Variants in CASQ1 observed in about 807,000 individuals in gnomAD.
CASQ1 encodes calsequestrin-1.
CASQ1 carries 40 observed loss-of-function variants against 49.5 expected under a neutral mutation model. That is an observed-to-expected ratio of 0.81 (90% confidence interval 0.63 to 1.05). The LOEUF (loss-of-function observed/expected upper bound fraction) is 1.05, where lower values mean the gene tolerates loss of function less well. Among genes scored for constraint, CASQ1 ranks in the 50% least tolerant of loss-of-function variants. CASQ1 has a pLI of 0.00. For synonymous variants in CASQ1, 174 were observed against 187.2 expected (o/e 0.93, Z 0.58); for missense variants, 469 against 486.9 (o/e 0.96, Z 0.35).
chr1:160,195,409 C>A, intron 4 of CASQ1, 52 bp from the exon 5 acceptor site: 1 of 1,534,208 alleles, frequency 6.5e-7, no homozygotes, highest in Non-Finnish European at 9.0e-7. Context: ...GGGGATGATT[C>A]CCGGGCAGAC....
intron 8 of CASQ1, 76 bp downstream of exon 8, chr1:160,198,807 C>A: frequency 7.3e-7 from 1 of 1,375,264 alleles, no homozygotes; most frequent in Non-Finnish European, 1.0e-6. Flanking sequence ...ATGGGCCTCA[C>A]TAGGAGGCTT....
chr1:160,193,984 A>G (rs989522191), intron 3 of CASQ1, 137 bp downstream of exon 3: 5 of 626,046 alleles, frequency 8.0e-6, no homozygotes, highest in Non-Finnish European at 1.4e-5. Flanking sequence ...CACCATACAT[A>G]CACCACACGC....
chr1:160,195,267 C>A, intron 4 of CASQ1, 144 bp downstream of exon 4: 1 of 728,202 alleles, frequency 1.4e-6, no homozygotes, highest in Non-Finnish European at 2.3e-6. Flanking sequence ...CCATCAACAG[C>A]TCTGACCTCC....
At chr1:160,200,027 G>A in intron 10 of CASQ1, 102 bp downstream of exon 10, 1 of 792,146 alleles carries the variant, frequency 1.3e-6, no homozygotes, top group Non-Finnish European at 2.3e-6. Flanking sequence ...CTTCTCACAG[G>A]ACGCAGACAT....
At position 160,196,465 on chromosome 1, in the gene CASQ1, TTTC is replaced by T. The variant is rs199987955; in HGVS notation, c.782+450_782+452del. Among the ~76,000 whole-genome samples, 1,013 of 151,892 alleles carry T rather than the reference TTTC, an allele frequency of 6.7e-3. 9 individuals are homozygous for T. Among genetic ancestry groups the T allele is most frequent in the African/African-American group, 0.023 (936 of 41,268 alleles). On this transcript the variant is annotated intron_variant, in intron 6 of 10. Transcript: ENST00000368078. ...TGATGTGTCCCATGTTTGTTCTTTTTTTCTTCTTCTTCTTTTTTTTTTTTTCTT... is the reference window on the plus strand; with the variant it reads ...TGATGTGTCCCATGTTTGTTCTTTTTTTCTTCTTCTTTTTTTTTTTTTCTT...
At position 160,198,712 on chromosome 1, in the gene CASQ1, C is replaced by G. The variant is rs1318640852; in HGVS notation, c.864C>G (p.Phe288Leu). The change falls in exon 8 of 11, where the codon TTC becomes TTG. Residue 288 changes from phenylalanine (F) to leucine (L), a missense_variant. Coordinates refer to ENST00000368078, the MANE Select transcript of CASQ1 (RefSeq NM_001231.5). The part of the protein sequence containing the change: ...DDMDGIHIVA[F>L]AEEADPDGFE... The stretch of plus-strand genomic sequence containing the variant: ...TGGATGGAATCCACATTGTGGCCTT[C>G]GCAGAGGAAGCTGATCCTGGTGAGG... 61 of 1,613,614 alleles carry G rather than the reference C, an allele frequency of 3.8e-5. No homozygotes were observed. The highest frequency in any genetic ancestry group is 4.8e-5 in the Non-Finnish European group (57 of 1,179,746).
chr1:160,198,253 CCCAGCA>C (rs369919348), intron 7 of CASQ1: 17 of 175,528 alleles, frequency 9.7e-5, no homozygotes, highest in African/African-American at 3.8e-4. Context: ...CGCCTGTAAT[CCCAGCA>C]CTTTGGGAGG....
intron 6 of CASQ1, among the ~76,000 whole-genome samples, chr1:160,196,445 T>C (rs6697826): frequency 0.23 from 35,107 of 151,874 alleles, 5,144 homozygotes; most frequent in African/African-American, 0.41. Context: ...AACCCTGATG[T>C]GTCCCATGTT....
rs1243564893 is a variant in CASQ1, at chr1:160,199,929, A to G, written c.1059+4A>G. ...AGGAGTCGTCAATGTTACTGATGTG[A>G]GTTTCCTGTCCTCATCCCGGGTTGA... is the stretch of plus-strand genomic sequence containing the variant. On this transcript the variant is annotated splice_donor_region_variant and intron_variant, in intron 10 of 10. Coordinates refer to ENST00000368078, the MANE Select transcript of CASQ1 (RefSeq NM_001231.5). 1 of 1,603,496 alleles carries G rather than the reference A, an allele frequency of 6.2e-7. No homozygotes were observed. Among genetic ancestry groups the G allele is most frequent in the Non-Finnish European group, 8.5e-7 (1 of 1,170,314 alleles).
chr1:160,197,464 G>A, intron 6 of CASQ1, 105 bp from the exon 7 acceptor site: 4 of 818,378 alleles, frequency 4.9e-6, no homozygotes, highest in Non-Finnish European at 8.7e-6. Context: ...GCTACAAGCT[G>A]TCTGTGCCCT....
At position 160,190,851 on chromosome 1, in the gene CASQ1, G is replaced by A. The variant is rs1162251757; in HGVS notation, c.100G>A (p.Gly34Arg). The A allele has an allele frequency of 6.2e-7, 1 of 1,614,186 alleles. No homozygotes were observed. The highest frequency in any genetic ancestry group is 1.7e-5 in the Admixed American group (1 of 60,026). ...AGGGACACCCAAGTCAGGGGTACAG[G>A]GGCAGGAAGGGCTGGACTTCCCTGA... is the stretch of plus-strand genomic sequence containing the variant. ...VLGTPKSGVQ[G>R]QEGLDFPEYD... The change falls in exon 1 of 11, where the codon GGG becomes AGG. Residue 34 changes from glycine (G) to arginine (R), a missense_variant. Transcript: ENST00000368078.
In CASQ1 at chr1:160,201,426, C is replaced by T; in HGVS notation, c.*50C>T. On this transcript the variant is annotated 3_prime_UTR_variant, in exon 11 of 11. Transcript: ENST00000368078. The stretch of plus-strand genomic sequence containing the variant: ...CCCACTGGTCTTTTCATGCTCTCTC[C>T]TGCCTTCCCTTGTCCTTCCCTGAGT... 4.4e-6 allele frequency: 7 copies of T among 1,600,252 alleles called. No individual in the cohort carries two copies. Among genetic ancestry groups the T allele is most frequent in the Non-Finnish European group, 6.0e-6 (7 of 1,170,510 alleles).
rs952514262 is a variant in CASQ1, at chr1:160,190,583, C to T, written c.-169C>T. On this transcript the variant is annotated 5_prime_UTR_variant, in exon 1 of 11. Transcript: ENST00000368078. ...CTGACCCTTTTTCCCTTGGCTCTGT[C>T]GGCAGTTTCTCCAGGACCCAGCAGT... 15 of 625,708 alleles carry T rather than the reference C, an allele frequency of 2.4e-5. No individual in the cohort carries two copies. The highest frequency in any genetic ancestry group is 4.3e-4 in the Middle Eastern group (1 of 2,330). 38.8% of individuals were successfully genotyped at this position (625,708 alleles called of 1,614,324 possible). A position where few individuals can be genotyped will look rare whatever the true frequency, so the allele number is the denominator to read the frequency against.
At chr1:160,198,786 T>A (rs1313451733) in intron 8 of CASQ1, 55 bp downstream of exon 8, 8 of 1,507,176 alleles carry the variant, frequency 5.3e-6, no homozygotes. Context: ...GGTGGGTGTG[T>A]TTATTGGAGC....
At chr1:160,196,831 G>A (rs978875982) in intron 6 of CASQ1, among the ~76,000 whole-genome samples, 3 of 152,178 alleles carry the variant, frequency 2.0e-5, no homozygotes, top group African/African-American at 7.2e-5. Context: ...AGGTGGGAAG[G>A]CGTGGCGAGG....
At position 160,199,854 on chromosome 1, in the gene CASQ1, G is replaced by C. The variant is rs1156727801; in HGVS notation, c.988G>C (p.Val330Leu). The C allele has an allele frequency of 1.2e-6, 2 of 1,605,692 alleles. No individual in the cohort carries two copies. The highest frequency in any genetic ancestry group is 1.7e-6 in the Non-Finnish European group (2 of 1,172,330). Residue 330 changes from valine (V) to leucine (L), a missense_variant, in exon 10 of 11, where the codon GTC becomes CTC. Coordinates refer to ENST00000368078, the MANE Select transcript of CASQ1 (RefSeq NM_001231.5). ...CTGTATTTTGATCTCTCTACAGCTGGTCCCATACTGGGAGAAGACGTTTGA... is the reference window on the plus strand; with the variant it reads ...CTGTATTTTGATCTCTCTACAGCTGCTCCCATACTGGGAGAAGACGTTTGA... ...WIDPDDFPLL[V>L]PYWEKTFDID...
rs1231471189 is a variant in CASQ1 at position 160,195,039 on chromosome 1, G to A, written c.493G>A (p.Glu165Lys). 2 of 1,612,490 alleles carry A rather than the reference G, an allele frequency of 1.2e-6. No homozygotes were observed. The highest frequency in any genetic ancestry group is 1.1e-5 in the South Asian group (1 of 90,940). Residue 165 changes from glutamate to lysine, a missense_variant, in exon 4 of 11, where the codon GAA (glutamate) becomes AAA (lysine). Coordinates refer to ENST00000368078, the MANE Select transcript of CASQ1 (RefSeq NM_001231.5). The stretch of plus-strand genomic sequence containing the variant: ...CCTAGAGGACCCTGTGGAATTGATT[G>A]AAGGTGAACGAGAGCTGCAGGCGTT... ...DVLEDPVELIEGERELQAFEN... is the reference protein window; with the variant it reads ...DVLEDPVELIKGERELQAFEN...
intron 3 of CASQ1, among the ~76,000 whole-genome samples, chr1:160,194,087 C>A (rs1654145432): frequency 6.6e-6 from 1 of 151,372 alleles, no homozygotes. Context: ...ACCTACACAC[C>A]ACACACTACA....
At chr1:160,196,264 G>A (rs1654225640) in intron 6 of CASQ1, among the ~76,000 whole-genome samples, 1 of 152,092 alleles carries the variant, frequency 6.6e-6, no homozygotes, top group East Asian at 1.9e-4. Flanking sequence ...GTATAATTCA[G>A]TGTGAGGTTG....
Sources: gnomAD v4.1 joint callset for allele counts (sites outside exome capture counted in the v4.1 genomes callset) on GRCh38, gnomAD v4.1.1 for gene constraint, MANE v1.5 for transcripts, NCBI Gene and HGNC (gene_info 2026-07-23, HGNC 2026-07-21) for gene names.